PDE4B: variants seen among roughly 807,000 people sequenced by gnomAD.
PDE4B encodes 3',5'-cyclic-AMP phosphodiesterase 4B.
A neutral mutation model predicts 82.2 loss-of-function variants in PDE4B; 20 were observed. That is an observed-to-expected ratio of 0.24 (90% CI 0.17 to 0.35). The LOEUF is 0.35. Among genes scored for constraint, PDE4B ranks in the 10% least tolerant of loss-of-function variants. The pLI, the probability that PDE4B is intolerant of heterozygous loss-of-function variation, is 1.00. For synonymous variants in PDE4B, 320 were observed against 318.9 expected, an observed-to-expected ratio of 1.00 and a Z score of -0.04; for missense variants, 655 against 907.2, an observed-to-expected ratio of 0.72 and a Z score of 3.57.
intron 3 of PDE4B, among the ~76,000 whole-genome samples, chr1:66,244,152 G>A (rs1488080624): frequency 6.6e-6 from 1 of 152,170 alleles, no homozygotes; most frequent in African/African-American, 2.4e-5. Context: ...GCAACTGAAT[G>A]AAGCAGCTCA....
At chr1:66,136,918 C>T (rs2246913) in intron 3 of PDE4B, among the ~76,000 whole-genome samples, 83,898 of 151,610 alleles carry the variant, frequency 0.55, 25,016 homozygotes, top group Non-Finnish European at 0.68. Flanking sequence ...ACATAGTCAA[C>T]ATATGGGATG....
At chr1:65,904,178 C>T (rs974681010) in intron 1 of PDE4B, among the ~76,000 whole-genome samples, 4 of 152,114 alleles carry the variant, frequency 2.6e-5, no homozygotes, top group African/African-American at 7.2e-5. Context: ...CACCAAATTA[C>T]TGTCTGTGTC....
chr1:66,090,473 T>C (rs888127686), intron 3 of PDE4B, among the ~76,000 whole-genome samples: 15 of 151,524 alleles, frequency 9.9e-5, no homozygotes, highest in Non-Finnish European at 1.9e-4. Context: ...AGAAGACTTA[T>C]GTTGGATGGT....
chr1:66,192,403 C>T (rs968304061), intron 3 of PDE4B, among the ~76,000 whole-genome samples: 1 of 152,130 alleles, frequency 6.6e-6, no homozygotes, highest in Non-Finnish European at 1.5e-5. Context: ...ACAAGCCCTT[C>T]CCAATTCTGC....
At chr1:66,052,434 C>A (rs1004400540) in intron 3 of PDE4B, among the ~76,000 whole-genome samples, 1 of 151,996 alleles carries the variant, frequency 6.6e-6, no homozygotes, top group African/African-American at 2.4e-5. Context: ...CGCATCAAAC[C>A]CACTTGTACA....
intron 7 of PDE4B, among the ~76,000 whole-genome samples, chr1:66,312,730 C>T (rs1264288242): frequency 6.6e-6 from 1 of 152,220 alleles, no homozygotes; most frequent in African/African-American, 2.4e-5. Context: ...CAACAAACTA[C>T]AGCCCATGGG....
At chr1:66,339,412 T>A (rs193210999) in intron 8 of PDE4B, among the ~76,000 whole-genome samples, 1 of 152,234 alleles carries the variant, frequency 6.6e-6, no homozygotes, top group African/African-American at 2.4e-5. Context: ...GTAAGTTTGA[T>A]TTGTAATCTG....
chr1:65,978,702 A>G (rs557978067), intron 3 of PDE4B, among the ~76,000 whole-genome samples: 1 of 152,296 alleles, frequency 6.6e-6, no homozygotes, highest in South Asian at 2.1e-4. Flanking sequence ...TCTTAATTAT[A>G]ATGTAGTGTT....
intron 9 of PDE4B, among the ~76,000 whole-genome samples, chr1:66,355,858 G>T (rs1168781128): frequency 6.6e-6 from 1 of 152,140 alleles, no homozygotes; most frequent in Non-Finnish European, 1.5e-5. Flanking sequence ...TGGGCTAATT[G>T]TATTTAAACG....
intron 3 of PDE4B, among the ~76,000 whole-genome samples, chr1:65,947,291 CCAGTT>C (rs1410937803): frequency 1.3e-5 from 2 of 152,030 alleles, no homozygotes; most frequent in Non-Finnish European, 2.9e-5. Context: ...AAAACATTTG[CCAGTT>C]CAGTGGCGAC....
intron 3 of PDE4B, among the ~76,000 whole-genome samples, chr1:66,159,915 T>C (rs1202837818): frequency 6.6e-6 from 1 of 152,226 alleles, no homozygotes; most frequent in African/African-American, 2.4e-5. Flanking sequence ...AATTAGGTGT[T>C]TGTAGTAGAC....
chr1:65,815,756 G>A (rs1479642011), intron 1 of PDE4B, among the ~76,000 whole-genome samples: 2 of 152,084 alleles, frequency 1.3e-5, no homozygotes, highest in African/African-American at 2.4e-5. Context: ...TAAATAAAAT[G>A]CACTTATCAG....
chr1:66,205,212 G>C (rs1649449925), intron 3 of PDE4B, among the ~76,000 whole-genome samples: 1 of 152,182 alleles, frequency 6.6e-6, no homozygotes, highest in Non-Finnish European at 1.5e-5. Context: ...TACAGCACAG[G>C]CTGGGGCAGA....
intron 3 of PDE4B, among the ~76,000 whole-genome samples, chr1:66,211,292 CCAA>C (rs1293365055): frequency 6.6e-6 from 1 of 152,144 alleles, no homozygotes; most frequent in Non-Finnish European, 1.5e-5. Flanking sequence ...ATTATACGTT[CCAA>C]GTCTCTTCTC....
chr1:66,210,611 A>G (rs986914890), intron 3 of PDE4B, among the ~76,000 whole-genome samples: 1 of 150,644 alleles, frequency 6.6e-6, no homozygotes. Flanking sequence ...AAAAAAAAAA[A>G]AAAAAAAAGA....
intron 3 of PDE4B, among the ~76,000 whole-genome samples, chr1:66,114,086 A>G (rs1645543120): frequency 6.6e-6 from 1 of 152,186 alleles, no homozygotes; most frequent in South Asian, 2.1e-4. Flanking sequence ...AGCTCTCATA[A>G]ATGGGATTCA....
intron 1 of PDE4B, among the ~76,000 whole-genome samples, chr1:65,817,972 C>G (rs1465133696): frequency 6.6e-6 from 1 of 151,958 alleles, no homozygotes; most frequent in Non-Finnish European, 1.5e-5. Flanking sequence ...TTATCAGATA[C>G]AAATATAGGG....
At chr1:65,846,996 G>T (rs1316207387) in intron 1 of PDE4B, among the ~76,000 whole-genome samples, 1 of 152,110 alleles carries the variant, frequency 6.6e-6, no homozygotes, top group South Asian at 2.1e-4. Context: ...GCAGCAATAT[G>T]ACATTAAATT....
chr1:66,058,311 G>A (rs550183786), intron 3 of PDE4B, among the ~76,000 whole-genome samples: 33 of 152,320 alleles, frequency 2.2e-4, no homozygotes, highest in South Asian at 4.1e-4. Flanking sequence ...TCATGGGTTA[G>A]CATTGAGTGT....
Sources: gnomAD v4.1 joint callset for allele counts (sites outside exome capture counted in the v4.1 genomes callset) on GRCh38, gnomAD v4.1.1 for gene constraint, MANE v1.5 for transcripts, NCBI Gene and HGNC (gene_info 2026-07-23, HGNC 2026-07-21) for gene names.